The following PARP4 variants were observed in gnomAD, a reference collection of about 807,000 sequenced individuals.
PARP4 encodes poly(ADP-ribose) polymerase family member 4, also known as protein mono-ADP-ribosyltransferase PARP4.
PARP4 carries 120 observed loss-of-function variants against 187.7 expected under a neutral mutation model. The observed-to-expected ratio is 0.64, with a 90% CI of 0.55 to 0.74. The LOEUF (loss-of-function observed/expected upper bound fraction) is 0.74, where lower values mean the gene tolerates loss of function less well. Among genes scored for constraint, PARP4 ranks in the 30% least tolerant of loss-of-function variants. The pLI is 0.00. For synonymous variants in PARP4, 654 were observed against 740.9 expected (o/e 0.88, Z 1.90); for missense variants, 1,836 against 2,070.5 (o/e 0.89, Z 2.20).
intron 1 of PARP4, among the ~76,000 whole-genome samples, chr13:24,506,386 A>C (rs1038036190): frequency 6.6e-6 from 1 of 152,142 alleles, no homozygotes; most frequent in Non-Finnish European, 1.5e-5. Context: ...AAGCTTCCAC[A>C]GCGTGGAAGA....
chr13:24,429,300 A>G (rs1440983242), intron 32 of PARP4, among the ~76,000 whole-genome samples: 1 of 152,154 alleles, frequency 6.6e-6, no homozygotes, highest in African/African-American at 2.4e-5. Context: ...TAATTCTAAC[A>G]TCTGGGTCAT....
intron 25 of PARP4, among the ~76,000 whole-genome samples, chr13:24,449,001 G>A (rs567684252): frequency 1.3e-5 from 2 of 152,316 alleles, no homozygotes; most frequent in East Asian, 1.9e-4. Flanking sequence ...TAATGAGTAC[G>A]TAGTTTCTGT....
chr13:24,426,291 C>T (rs1870045591), intron 33 of PARP4, among the ~76,000 whole-genome samples, 175 bp downstream of exon 33: 1 of 152,166 alleles, frequency 6.6e-6, no homozygotes, highest in Non-Finnish European at 1.5e-5. Context: ...GGCACAAATA[C>T]ATCAGCCCTG....
Position 24,460,461 on chromosome 13 carries a change from TGGGCTCTGCTGCAC to T in PARP4, c.2134-339_2134-326del, listed in dbSNP as rs1262690736. ...GCACACGTGGGCTCTGCTGCACGGG[TGGGCTCTGCTGCAC>T]GGGTGGGCTCTGCTGCATGGGTGGG... is the stretch of plus-strand genomic sequence containing the variant. On this transcript the variant is annotated intron_variant, in intron 17 of 33. Coordinates refer to ENST00000381989, the MANE Select transcript of PARP4 (RefSeq NM_006437.4). Among the ~76,000 whole-genome samples the T allele has an allele frequency of 3.6e-4, 36 of 99,078 alleles. 1 individual carries two copies. The highest frequency in any genetic ancestry group is 2.1e-3 in the South Asian group (6 of 2,814). 65.0% of individuals were successfully genotyped at this position (99,078 alleles called of 152,430 possible). A position where few individuals can be genotyped will look rare whatever the true frequency, so the allele number is the denominator to read the frequency against.
intron 6 of PARP4, among the ~76,000 whole-genome samples, chr13:24,497,016 C>A (rs906638394): frequency 6.6e-5 from 10 of 152,214 alleles, no homozygotes; most frequent in African/African-American, 2.4e-4. Flanking sequence ...GAGTGAGACT[C>A]TGTCTCGGGG....
intron 12 of PARP4, among the ~76,000 whole-genome samples, chr13:24,483,443 G>A (rs1301460136): frequency 8.5e-6 from 1 of 117,566 alleles, no homozygotes; most frequent in East Asian, 2.8e-4. Context: ...CCGAGATTGT[G>A]CCACTGCAGT....
intron 33 of PARP4, among the ~76,000 whole-genome samples, chr13:24,422,123 TC>T (rs1219750396): frequency 1.3e-5 from 2 of 152,194 alleles, no homozygotes; most frequent in African/African-American, 2.4e-5. Flanking sequence ...GAGTCCTGAC[TC>T]TGCAATCACA....
intron 12 of PARP4, among the ~76,000 whole-genome samples, chr13:24,481,703 AAAAG>A (rs1469317425): frequency 6.6e-6 from 1 of 152,134 alleles, no homozygotes; most frequent in African/African-American, 2.4e-5. Flanking sequence ...AAAAAAGAAA[AAAAG>A]AAAGAAAGAA....
At position 24,441,872 on chromosome 13, in the gene PARP4, C is replaced by A. The variant is rs1246878473; in HGVS notation, c.3640G>T (p.Glu1214Ter). The A allele has an allele frequency of 6.2e-7, 1 of 1,602,770 alleles. No homozygotes were observed. The highest frequency in any genetic ancestry group is 8.5e-7 in the Non-Finnish European group (1 of 1,175,044). ...TGGTTCCTGACGGCTTCTTGGGGCTCCCCCTGCCAGCTCATGTAGGGCAGG... is the reference window on the plus strand; with the variant it reads ...TGGTTCCTGACGGCTTCTTGGGGCTACCCCTGCCAGCTCATGTAGGGCAGG... ...DFLPYMSWQG[E>*]PQEAVRNQSL... The change falls in exon 30 of 34, where the codon GAG becomes TAG. Residue 1214 changes from glutamate to a stop codon, truncating the protein, a stop_gained. Coordinates refer to ENST00000381989, the MANE Select transcript of PARP4 (RefSeq NM_006437.4). LOFTEE classifies it high-confidence loss of function.
intron 17 of PARP4, among the ~76,000 whole-genome samples, chr13:24,461,566 T>G (rs960827686): frequency 6.6e-6 from 1 of 152,150 alleles, no homozygotes; most frequent in Non-Finnish European, 1.5e-5. Flanking sequence ...TTTAGAAGAA[T>G]TGGGAGCTCC....
chr13:24,439,078 T>C (rs540150934), intron 30 of PARP4, among the ~76,000 whole-genome samples: 1 of 152,362 alleles, frequency 6.6e-6, no homozygotes, highest in South Asian at 2.1e-4. Flanking sequence ...AGATCCAACG[T>C]ATTTGCAAAT....
intron 32 of PARP4, among the ~76,000 whole-genome samples, chr13:24,429,821 T>A (rs59380428): frequency 0.11 from 17,278 of 152,214 alleles, 1,271 homozygotes; most frequent in Admixed American, 0.19. Flanking sequence ...GCTCTGTGGT[T>A]CCCTCCTTTA....
intron 20 of PARP4, among the ~76,000 whole-genome samples, chr13:24,457,432 G>A (rs921371103): frequency 2.6e-5 from 4 of 152,168 alleles, no homozygotes; most frequent in Non-Finnish European, 5.9e-5. Context: ...AAGCAGGGGC[G>A]TGAAAAGTGT....
chr13:24,498,757 A>G (rs1415830219), intron 5 of PARP4, among the ~76,000 whole-genome samples: 1 of 152,124 alleles, frequency 6.6e-6, no homozygotes, highest in Non-Finnish European at 1.5e-5. Flanking sequence ...TGGGGAAAAA[A>G]AAAAAGGATT....
intron 15 of PARP4, 22 bp from the exon 16 acceptor site, chr13:24,470,047 T>C (rs767369638): frequency 8.1e-6 from 13 of 1,607,178 alleles, no homozygotes; most frequent in Middle Eastern, 1.7e-4. Flanking sequence ...AAAAAATCCA[T>C]ACAATTGATG....
At chr13:24,482,648 T>C (rs1283518748) in intron 12 of PARP4, among the ~76,000 whole-genome samples, 1 of 117,466 alleles carries the variant, frequency 8.5e-6, no homozygotes, top group Non-Finnish European at 1.9e-5. Context: ...ATTAAGGTTA[T>C]GTACATTGTT....
chr13:24,471,333 C>T (rs1483718886), intron 15 of PARP4, among the ~76,000 whole-genome samples: 1 of 152,194 alleles, frequency 6.6e-6, no homozygotes, highest in African/African-American at 2.4e-5. Context: ...CCCGCCTTTG[C>T]GCAGGAGTCC....
chr13:24,470,442 C>T (rs569952070), intron 15 of PARP4, among the ~76,000 whole-genome samples: 11 of 152,230 alleles, frequency 7.2e-5, no homozygotes, highest in Non-Finnish European at 1.2e-4. Flanking sequence ...TCCTGGGGAC[C>T]TCTCTGTGGC....
intron 25 of PARP4, among the ~76,000 whole-genome samples, chr13:24,448,239 C>CCAAA (rs1012493502): frequency 6.6e-6 from 1 of 151,894 alleles, no homozygotes; most frequent in Non-Finnish European, 1.5e-5. Flanking sequence ...CAAAAACCAA[C>CCAAA]CAAACAAACA....
Sources: allele counts gnomAD v4.1 joint callset (sites outside exome capture counted in the v4.1 genomes callset), GRCh38; gene constraint gnomAD v4.1.1; transcripts MANE v1.5; gene names NCBI Gene and HGNC (gene_info 2026-07-23, HGNC 2026-07-21).